Variants in SH3BP4 observed in about 807,000 individuals in gnomAD.
SH3BP4 encodes SH3 domain-binding protein 4.
Under a neutral mutation model 65.5 loss-of-function variants are expected in SH3BP4, and 33 were observed. That is an observed-to-expected ratio of 0.50 (90% CI 0.38 to 0.67). SH3BP4 has a LOEUF of 0.67. Ranked by LOEUF, SH3BP4 falls within the 30% of genes least tolerant of loss-of-function variation. The pLI is 0.00. For missense variants in SH3BP4, 1,134 were observed against 1,261.4 expected, an observed-to-expected ratio of 0.90 and a Z score of 1.53; for synonymous variants, 552 against 545.5, an observed-to-expected ratio of 1.01 and a Z score of -0.17.
intron 1 of SH3BP4, among the ~76,000 whole-genome samples, chr2:234,982,033 G>A (rs1249408208): frequency 6.6e-6 from 1 of 152,136 alleles, no homozygotes; most frequent in Admixed American, 6.5e-5. Flanking sequence ...AGGCAGTGGG[G>A]TCCAGGTTGA....
intron 5 of SH3BP4, 97 bp from the exon 6 acceptor site, chr2:235,053,495 A>T: frequency 1.2e-6 from 1 of 855,796 alleles, no homozygotes; most frequent in Non-Finnish European, 1.9e-6. Flanking sequence ...AATAGTGACT[A>T]CTGAAGCTGC....
intron 1 of SH3BP4, among the ~76,000 whole-genome samples, chr2:234,961,232 C>A (rs1439415763): frequency 6.6e-6 from 1 of 152,196 alleles, no homozygotes; most frequent in Non-Finnish European, 1.5e-5. Context: ...GTACTGCTAG[C>A]TGTGGATTTG....
At chr2:235,016,306 T>C (rs2106303169) in intron 2 of SH3BP4, among the ~76,000 whole-genome samples, 1 of 152,180 alleles carries the variant, frequency 6.6e-6, no homozygotes, top group Middle Eastern at 3.4e-3. Flanking sequence ...GCTGCTTCTG[T>C]GTAAGAAGGG....
At chr2:234,969,836 C>T (rs993319473) in intron 1 of SH3BP4, among the ~76,000 whole-genome samples, 1 of 152,174 alleles carries the variant, frequency 6.6e-6, no homozygotes, top group African/African-American at 2.4e-5. Context: ...CGCGTGCTTG[C>T]GCGCACACAC....
At chr2:234,989,524 G>A (rs778554037) in intron 1 of SH3BP4, among the ~76,000 whole-genome samples, 8 of 152,136 alleles carry the variant, frequency 5.3e-5, no homozygotes, top group Non-Finnish European at 8.8e-5. Flanking sequence ...TGCCCACTGC[G>A]TAAGTAGGAA....
rs1437948708 is a variant in SH3BP4, at chr2:234,952,659, C to G, written c.-207+489C>G. 3 of 152,142 alleles carry G rather than the reference C, an allele frequency of 2.0e-5. No homozygotes were observed. The highest frequency in any genetic ancestry group is 1.3e-4 in the Admixed American group (2 of 15,282). 9.4% of individuals were successfully genotyped at this position (152,142 alleles called of 1,614,324 possible). A position where few individuals can be genotyped will look rare whatever the true frequency, so the allele number is the denominator to read the frequency against. The stretch of plus-strand genomic sequence containing the variant: ...AGCGGCGCTGGGGAGGAGGGAAGGA[C>G]GCGCGGTCTCCGGTTAAACTTGTTG... On this transcript the variant is annotated intron_variant, in intron 1 of 5. Coordinates refer to ENST00000392011, the MANE Select transcript of SH3BP4 (RefSeq NM_014521.3). This position sits in a 1 kb window ranked among gnomAD's most constrained non-coding sequence, Gnocchi z 6.5.
At chr2:235,014,788 G>A (rs746652402) in intron 2 of SH3BP4, among the ~76,000 whole-genome samples, 4 of 152,188 alleles carry the variant, frequency 2.6e-5, no homozygotes, top group Admixed American at 6.5e-5. Flanking sequence ...GGGCCCCCCA[G>A]TCACTTCATC....
rs992434235 is a variant in SH3BP4 at position 234,991,540 on chromosome 2, A to G, written c.-206-3763A>G. Among the ~76,000 whole-genome samples the G allele has an allele frequency of 6.6e-6, 1 of 152,012 alleles. No homozygotes were observed. Among genetic ancestry groups the G allele is most frequent in the East Asian group, 1.9e-4 (1 of 5,192 alleles). ...TCTTGAAACAACTGGAGAATAAGGC[A>G]TCCTCTAGACTTTCTGCTAATTCCA... is the stretch of plus-strand genomic sequence containing the variant. On this transcript the variant is annotated intron_variant, in intron 1 of 5. Coordinates refer to ENST00000392011, the MANE Select transcript of SH3BP4 (RefSeq NM_014521.3). This position sits in a 1 kb window ranked among gnomAD's most constrained non-coding sequence, Gnocchi z 4.2.
chr2:235,050,545 C>T (rs572003152), intron 4 of SH3BP4, among the ~76,000 whole-genome samples: 8 of 152,092 alleles, frequency 5.3e-5, no homozygotes, highest in Non-Finnish European at 8.8e-5. Flanking sequence ...AATGATCTGT[C>T]GCTCCTGGTT....
At chr2:235,051,671 T>C (rs1219731015) in intron 4 of SH3BP4, among the ~76,000 whole-genome samples, 1 of 152,030 alleles carries the variant, frequency 6.6e-6, no homozygotes, top group Non-Finnish European at 1.5e-5. Flanking sequence ...CCGTGGTTCT[T>C]GGTGGTACAC....
chr2:235,048,892 G>GT (rs1402486535), intron 4 of SH3BP4, among the ~76,000 whole-genome samples: 1 of 152,196 alleles, frequency 6.6e-6, no homozygotes, highest in Non-Finnish European at 1.5e-5. Flanking sequence ...TCCATCGAGT[G>GT]TTTCCTGGTG....
intron 1 of SH3BP4, among the ~76,000 whole-genome samples, chr2:234,985,352 G>C (rs1038645780): frequency 6.6e-6 from 1 of 152,166 alleles, no homozygotes; most frequent in Non-Finnish European, 1.5e-5. Context: ...GGCGGAAGCT[G>C]TTTAGAAGAA....
At chr2:235,006,333 G>A (rs1559240726) in intron 2 of SH3BP4, among the ~76,000 whole-genome samples, 4 of 152,150 alleles carry the variant, frequency 2.6e-5, no homozygotes, top group Non-Finnish European at 5.9e-5. Context: ...TGCCCCAGGG[G>A]GTATCATACG....
At chr2:235,044,756 C>T (rs1304500511) in intron 4 of SH3BP4, among the ~76,000 whole-genome samples, 1 of 152,232 alleles carries the variant, frequency 6.6e-6, no homozygotes, top group East Asian at 1.9e-4. Context: ...ACATACCCGG[C>T]TCGGCTGCCC....
At chr2:235,011,134 A>G (rs570879850) in intron 2 of SH3BP4, among the ~76,000 whole-genome samples, 3 of 110,516 alleles carry the variant, frequency 2.7e-5, no homozygotes, top group African/African-American at 1.8e-4. Flanking sequence ...TCCCTCTCCT[A>G]GGAGAACCCT....
At chr2:234,983,357 T>C (rs1657998640) in intron 1 of SH3BP4, 1 of 152,256 alleles carries the variant, frequency 6.6e-6, no homozygotes, top group Non-Finnish European at 1.5e-5. Flanking sequence ...ATGTTCCAGG[T>C]TGTTCCTGGT....
At position 235,042,502 on chromosome 2, in the gene SH3BP4, C is replaced by G; in HGVS notation, c.1733C>G (p.Ser578Cys). 6.2e-7 allele frequency: 1 copy of G among 1,614,172 alleles called. No homozygotes were observed. Among genetic ancestry groups the G allele is most frequent in the Non-Finnish European group, 8.5e-7 (1 of 1,180,030 alleles). ...KVSRLIFPITSQNPNELSDFT... is the reference protein window; with the variant it reads ...KVSRLIFPITCQNPNELSDFT... ...AGCCGCCTGATCTTCCCCATCACCT[C>G]CCAGAACCCCAACGAGCTCTCTGAC... The change falls in exon 4 of 6, where the codon TCC (serine) becomes TGC (cysteine). Residue 578 changes from serine to cysteine, a missense_variant. By Grantham distance (112) the Ser-to-Cys change is moderately radical. Coordinates refer to ENST00000392011, the MANE Select transcript of SH3BP4 (RefSeq NM_014521.3). This position sits in a 1 kb window ranked among gnomAD's most constrained non-coding sequence, Gnocchi z 7.3.
At chr2:234,958,695 TA>T (rs1230379637) in intron 1 of SH3BP4, among the ~76,000 whole-genome samples, 1 of 142,964 alleles carries the variant, frequency 7.0e-6, no homozygotes, top group Non-Finnish European at 1.5e-5. Flanking sequence ...AAGATGGGGG[TA>T]GGGGGAGAGG....
At position 235,034,049 on chromosome 2, in the gene SH3BP4, G is replaced by T. The variant is rs6737327; in HGVS notation, c.-132-822G>T. Among the ~76,000 whole-genome samples the T allele has an allele frequency of 2.0e-5, 3 of 152,120 alleles. No individual in the cohort carries two copies. Among genetic ancestry groups the T allele is most frequent in the East Asian group, 1.9e-4 (1 of 5,168 alleles). ...AAATTCACTGCTTTGAAATCGGCTC[G>T]CTGCTGTTCCTGTCCCTTCTCCCTG... On this transcript the variant is annotated intron_variant, in intron 2 of 5. Transcript: ENST00000392011. The surrounding 1 kb of genome is among the most constrained non-coding windows in gnomAD (Gnocchi z 6.2).
Sources: allele counts gnomAD v4.1 joint callset (sites outside exome capture counted in the v4.1 genomes callset), GRCh38; gene constraint gnomAD v4.1.1; non-coding constraint Gnocchi (gnomAD v3.1); transcripts MANE v1.5; gene names NCBI Gene and HGNC (gene_info 2026-07-23, HGNC 2026-07-21).